Variants in TENM3 observed in about 807,000 individuals in gnomAD.
TENM3 encodes teneurin transmembrane protein 3, also known as teneurin-3.
In TENM3, 63 loss-of-function variants were observed where a neutral mutation model predicts 255.1. The ratio of observed to expected loss-of-function variants is 0.25; its 90% confidence interval spans 0.20 to 0.30. TENM3 has a LOEUF of 0.30. TENM3 is among the 10% of genes least tolerant of loss of function. The probability of loss-of-function intolerance (pLI) is 1.00; values close to 1 mark genes in which losing one functional copy is unlikely to be tolerated. For missense variants in TENM3, 2,929 were observed against 3,461.1 expected (o/e 0.85, Z 3.86); for synonymous variants, 1,306 against 1,322.3 (o/e 0.99, Z 0.27).
the TENM3 span, among the ~76,000 whole-genome samples, chr4:181,995,568 G>A: frequency 1.7e-4 from 26 of 152,034 alleles, no homozygotes; most frequent in East Asian, 3.9e-4. Context: ...ATAATTTCCC[G>A]AAGAAATTAT....
the TENM3 span, among the ~76,000 whole-genome samples, chr4:181,911,266 C>A: frequency 6.6e-6 from 1 of 152,144 alleles, no homozygotes; most frequent in Non-Finnish European, 1.5e-5. Context: ...AAGAAAAGGT[C>A]ATCTGGAAAA....
the TENM3 span, among the ~76,000 whole-genome samples, chr4:181,796,749 G>C: frequency 6.6e-6 from 1 of 152,204 alleles, no homozygotes; most frequent in Admixed American, 6.5e-5. Flanking sequence ...GAGCAGTTTG[G>C]AACCCGTCCA....
the TENM3 span, among the ~76,000 whole-genome samples, chr4:181,979,291 G>A: frequency 1.3e-5 from 2 of 150,820 alleles, no homozygotes; most frequent in South Asian, 4.2e-4. Flanking sequence ...CTGTCTGGTG[G>A]CCAAATAGTA....
At chr4:181,848,070 T>G in the TENM3 span, among the ~76,000 whole-genome samples, 1 of 152,180 alleles carries the variant, frequency 6.6e-6, no homozygotes, top group Admixed American at 6.5e-5. Context: ...ATAGTGACAC[T>G]TTTGCATTGC....
At chr4:181,713,890 C>T in the TENM3 span, among the ~76,000 whole-genome samples, 15 of 152,222 alleles carry the variant, frequency 9.9e-5, no homozygotes, top group South Asian at 2.5e-3. Context: ...GCCAAGCCAG[C>T]GTTTCCCACA....
upstream of TENM3, among the ~76,000 whole-genome samples, chr4:182,241,576 C>T (rs139563392): frequency 8.5e-5 from 11 of 128,792 alleles, no homozygotes; most frequent in East Asian, 2.2e-4. Context: ...TGCTATGCTG[C>T]GATCTTGGCT....
chr4:182,004,972 T>C, the TENM3 span, among the ~76,000 whole-genome samples: 1 of 152,228 alleles, frequency 6.6e-6, no homozygotes, highest in Non-Finnish European at 1.5e-5. Flanking sequence ...TTATTAGACC[T>C]TTGTCAGACG....
chr4:182,721,023 C>A lies in TENM3; in HGVS notation c.2368+6790C>A, dbSNP rs189439135. 5.8e-3 allele frequency among the ~76,000 whole-genome samples: 878 copies of A among 152,120 alleles called. 10 individuals carry two copies. The highest frequency in any genetic ancestry group is 0.02 in the African/African-American group (828 of 41,520). On this transcript the variant is annotated intron_variant, in intron 13 of 27. Coordinates refer to ENST00000511685, the MANE Select transcript of TENM3 (RefSeq NM_001080477.4). ...CCTCAGGTGATCCACCCACCTCAGC[C>A]TGCCAAAGAGCTGGGATTACAGGCG...
intron 24 of TENM3, among the ~76,000 whole-genome samples, chr4:182,777,541 G>GTGTTTT (rs1579462872): frequency 9.4e-6 from 1 of 106,406 alleles, no homozygotes; most frequent in African/African-American, 4.1e-5. Flanking sequence ...GTGTGTGTGT[G>GTGTTTT]TATTTCTTTT....
chr4:182,136,473 C>T, the TENM3 span, among the ~76,000 whole-genome samples: 1 of 152,120 alleles, frequency 6.6e-6, no homozygotes, highest in African/African-American at 2.4e-5. Context: ...GGTCAGTTTA[C>T]ATAGTGAGTT....
intron 3 of TENM3, among the ~76,000 whole-genome samples, chr4:182,417,290 A>T (rs1770459048): frequency 6.6e-6 from 1 of 152,060 alleles, no homozygotes; most frequent in Non-Finnish European, 1.5e-5. Flanking sequence ...TTTTCAATAC[A>T]GTATGCAGAT....
At chr4:182,098,399 T>G in the TENM3 span, among the ~76,000 whole-genome samples, 36,421 of 152,108 alleles carry the variant, frequency 0.24, 4,481 homozygotes, top group African/African-American at 0.31. Flanking sequence ...TTAACTGCAG[T>G]ACTATTCACA....
chr4:182,759,576 T>G (rs28664028), intron 22 of TENM3, among the ~76,000 whole-genome samples: 4,557 of 152,366 alleles, frequency 0.03, 240 homozygotes, highest in African/African-American at 0.1. Flanking sequence ...GTTGATCTTC[T>G]TATTCCAATA....
intron 1 of TENM3, 118 bp from the exon 2 acceptor site, chr4:182,323,828 A>G (rs1173317562): frequency 1.7e-6 from 1 of 593,992 alleles, no homozygotes; most frequent in African/African-American, 1.9e-5. Context: ...TGTTGAAAGC[A>G]AGTTTCCTAG....
the TENM3 span, among the ~76,000 whole-genome samples, chr4:181,882,083 A>T: frequency 6.6e-6 from 1 of 152,176 alleles, no homozygotes; most frequent in Non-Finnish European, 1.5e-5. Flanking sequence ...AGGTTTTAGT[A>T]AAAAGAACAT....
At chr4:181,565,053 T>G in the TENM3 span, among the ~76,000 whole-genome samples, 6 of 152,244 alleles carry the variant, frequency 3.9e-5, no homozygotes, top group Non-Finnish European at 7.3e-5. Context: ...AATATTTCAG[T>G]TTGCTTATTT....
At chr4:181,506,905 T>C in the TENM3 span, among the ~76,000 whole-genome samples, 2 of 152,208 alleles carry the variant, frequency 1.3e-5, no homozygotes, top group African/African-American at 4.8e-5. Context: ...TGTATTCCAA[T>C]ATTATGTGAT....
At chr4:182,552,061 T>G (rs899078623) in intron 3 of TENM3, among the ~76,000 whole-genome samples, 7 of 151,864 alleles carry the variant, frequency 4.6e-5, no homozygotes, top group African/African-American at 1.7e-4. Flanking sequence ...ATATGTAACA[T>G]TTGGGAGTGA....
the TENM3 span, among the ~76,000 whole-genome samples, chr4:181,474,769 T>C: frequency 6.7e-6 from 1 of 150,348 alleles, no homozygotes; most frequent in Non-Finnish European, 1.5e-5. Flanking sequence ...AAAGTTTCCA[T>C]AGCTCTGTCC....
Sources: allele counts gnomAD v4.1 joint callset (sites outside exome capture counted in the v4.1 genomes callset), GRCh38; gene constraint gnomAD v4.1.1; transcripts MANE v1.5; gene names NCBI Gene and HGNC (gene_info 2026-07-23, HGNC 2026-07-21).